Variants in NAT9 observed in about 807,000 individuals in gnomAD.
The protein encoded by NAT9 is N-acetyltransferase 9.
A neutral mutation model predicts 24.0 loss-of-function variants in NAT9; 18 were observed. That is an observed-to-expected ratio of 0.75 (90% CI 0.52 to 1.11). The LOEUF (loss-of-function observed/expected upper bound fraction) is 1.11, where lower values mean the gene tolerates loss of function less well. NAT9 is among the 50% of genes most tolerant of loss of function. The pLI, the probability that NAT9 is intolerant of heterozygous loss-of-function variation, is 0.00. For synonymous variants in NAT9, 104 were observed against 102.3 expected, an observed-to-expected ratio of 1.02 and a Z score of -0.10; for missense variants, 254 against 258.6, an observed-to-expected ratio of 0.98 and a Z score of 0.12.
chr17:74,773,086 GAA>G (rs1315012415), intron 3 of NAT9, 47 bp from the exon 4 acceptor site: 17 of 1,601,196 alleles, frequency 1.1e-5, no homozygotes, highest in Admixed American at 3.4e-5. Context: ...CCAGAGGAGA[GAA>G]GAGAGGATGG....
intron 2 of NAT9, among the ~76,000 whole-genome samples, chr17:74,774,551 C>CTTTTTT (rs34005401): frequency 7.7e-6 from 1 of 130,190 alleles, no homozygotes; most frequent in African/African-American, 2.9e-5. Flanking sequence ...AGGCTGGTCT[C>CTTTTTT]TTTTTTTTTT....
In NAT9 at chr17:74,773,438, T is replaced by C. The variant is rs1275726660; in HGVS notation, c.190+138A>G. 3 of 718,680 alleles carry C rather than the reference T, an allele frequency of 4.2e-6. No homozygotes were observed. The African/African-American group carries it at 5.3e-5, about 13-fold the overall frequency. 44.5% of individuals were successfully genotyped at this position (718,680 alleles called of 1,614,324 possible). On this transcript the variant is annotated intron_variant, in intron 3 of 6. Coordinates refer to ENST00000357814, the MANE Select transcript of NAT9 (RefSeq NM_015654.5). ...GGGACTGGCTTCAGGGCCATGAGAA[T>C]ACAGGAGTTCCAGCACCTTCCAGGC...
rs1181632902 is a variant in NAT9, at chr17:74,771,264, T to C, written c.*460A>G. 6 of 195,202 alleles carry C rather than the reference T, an allele frequency of 3.1e-5. No individual in the cohort carries two copies. The highest frequency in any genetic ancestry group is 6.5e-5 in the Non-Finnish European group (6 of 92,036). The allele number at this position is 195,202 out of a possible 1,614,324, so 12.1% of individuals were successfully genotyped here. A position where few individuals can be genotyped will look rare whatever the true frequency, so the allele number is the denominator to read the frequency against. ...GACCAAGCTGCCCTTGAGTGGACAC[T>C]GTGAGGCTGGGGCTCGTGGTAGCTC... On this transcript the variant is annotated 3_prime_UTR_variant, in exon 7 of 7. Transcript: ENST00000357814.
chr17:74,772,148 A>T, intron 5 of NAT9, 70 bp downstream of exon 5: 1 of 1,613,262 alleles, frequency 6.2e-7, no homozygotes, highest in Non-Finnish European at 8.5e-7. Flanking sequence ...CCTGCCCCCA[A>T]CCCTCACACC....
Position 74,773,015 on chromosome 17 carries a change from G to A in NAT9, c.215C>T (p.Ala72Val). ...GCCTGGCTGGGCCTGCCACTTCTCG[G>A]CATCCAGCACAATGAAGGTACACTC... ...ADKCTFIVLD[A>V]EKWQAQPGAT... The change falls in exon 4 of 7, where the codon GCC (alanine) becomes GTC (valine). Residue 72 changes from alanine (A) to valine (V), a missense_variant. Physicochemically the swap from Ala to Val is moderately conservative, Grantham distance 64 (BLOSUM62 0). Transcript: ENST00000357814. 2 of 1,613,996 alleles carry A rather than the reference G, an allele frequency of 1.2e-6. No individual in the cohort carries two copies. Among genetic ancestry groups the A allele is most frequent in the Non-Finnish European group, 1.7e-6 (2 of 1,179,992 alleles).
Position 74,771,724 on chromosome 17 carries a change from T to A in NAT9, c.624A>T (p.Ter208CysextTer11). ...AGTGGCTGCCCACAAGGCCCAGCCA[T>A]CAGCAGGGCTCTGCCGACCCATCTC... ...PYRDGSAEPC[*>C] The change falls in exon 7 of 7, where the codon TGA becomes TGT. Residue 208 changes from the stop codon to cysteine, a stop_lost. Transcript: ENST00000357814. The A allele has an allele frequency of 6.2e-7, 1 of 1,613,600 alleles. No homozygotes were observed. The highest frequency in any genetic ancestry group is 2.2e-5 in the East Asian group (1 of 44,882).
In NAT9 at chr17:74,771,521, G is replaced by A. The variant is rs2035201926; in HGVS notation, c.*203C>T. The A allele has an allele frequency of 2.6e-6, 2 of 783,836 alleles. No homozygotes were observed. The highest frequency in any genetic ancestry group is 1.9e-5 in the South Asian group (1 of 53,502). 48.6% of individuals were successfully genotyped at this position (783,836 alleles called of 1,614,324 possible). The stretch of plus-strand genomic sequence containing the variant: ...TGGGTTTGGCCGGGAGGGGAGAAGG[G>A]AACTGGCCCTGGCCCTGGAGTCTGC... On this transcript the variant is annotated 3_prime_UTR_variant, in exon 7 of 7. Coordinates refer to ENST00000357814, the MANE Select transcript of NAT9 (RefSeq NM_015654.5).
chr17:74,771,226 T>C lies in NAT9; in HGVS notation c.*498A>G, dbSNP rs757827276. On this transcript the variant is annotated 3_prime_UTR_variant, in exon 7 of 7. Transcript: ENST00000357814. ...TCCCAGGGTCACACCAGCCTGCCTC[T>C]GCAGGACAAGAGGACCAAGCTGCCC... The C allele has an allele frequency of 1.1e-5, 2 of 176,712 alleles. No individual in the cohort carries two copies. The highest frequency in any genetic ancestry group is 1.1e-4 in the Admixed American group (2 of 18,658). 10.9% of individuals were successfully genotyped at this position (176,712 alleles called of 1,614,324 possible). A position where few individuals can be genotyped will look rare whatever the true frequency, so the allele number is the denominator to read the frequency against.
intron 1 of NAT9, 153 bp downstream of exon 1, chr17:74,776,114 A>AC (rs1318345015): frequency 1.3e-5 from 2 of 157,716 alleles, no homozygotes; most frequent in Admixed American, 1.3e-4. Flanking sequence ...CCCGGCGACC[A>AC]CCCCACGGGG....
chr17:74,775,365 T>A lies in NAT9; in HGVS notation c.77+257A>T, dbSNP rs548842085. 1.7e-5 allele frequency: 6 copies of A among 349,352 alleles called. No homozygotes were observed. In the South Asian group the frequency reaches 3.0e-4, roughly 17 times the overall value. 21.6% of individuals were successfully genotyped at this position (349,352 alleles called of 1,614,324 possible). On this transcript the variant is annotated intron_variant, in intron 2 of 6. Coordinates refer to ENST00000357814, the MANE Select transcript of NAT9 (RefSeq NM_015654.5). Reference sequence around the variant, plus strand: ...ACCATGCCTGGCTAATTTTTGTATTTTTTTGTAGAGACAAGGTCTCGCTAC... The same window carrying A: ...ACCATGCCTGGCTAATTTTTGTATTATTTTGTAGAGACAAGGTCTCGCTAC...
At chr17:74,773,086 G>C (rs1401362310) in intron 3 of NAT9, 47 bp from the exon 4 acceptor site, 1 of 1,601,314 alleles carries the variant, frequency 6.2e-7, no homozygotes, top group Non-Finnish European at 8.5e-7. Context: ...CCAGAGGAGA[G>C]AAGAGAGGAT....
intron 2 of NAT9, 116 bp from the exon 3 acceptor site, chr17:74,773,804 G>GGTTAT: frequency 1.2e-6 from 1 of 815,790 alleles, no homozygotes. Context: ...AGACCCAAAG[G>GGTTAT]GTTATGATTG....
chr17:74,772,887 G>C lies in NAT9; in HGVS notation c.334+9C>G. Reference sequence around the variant, plus strand: ...GAGTCAGCGGAAGGCAGGGCTAGGTGAAACAAACCTGCAATCATGACCTCG... The same window carrying C: ...GAGTCAGCGGAAGGCAGGGCTAGGTCAAACAAACCTGCAATCATGACCTCG... On this transcript the variant is annotated intron_variant, in intron 4 of 6. Transcript: ENST00000357814. 4 of 1,614,124 alleles carry C rather than the reference G, an allele frequency of 2.5e-6. No individual in the cohort carries two copies. Among genetic ancestry groups the C allele is most frequent in the Non-Finnish European group, 3.4e-6 (4 of 1,180,006 alleles).
chr17:74,772,765 C>T, intron 4 of NAT9, 131 bp downstream of exon 4: 1 of 1,387,442 alleles, frequency 7.2e-7, no homozygotes, highest in Non-Finnish European at 9.8e-7. Context: ...GCTGCCCAGC[C>T]AGGCCCTGGA....
intron 4 of NAT9, 57 bp from the exon 5 acceptor site, chr17:74,772,334 C>T (rs2035337386): frequency 6.3e-7 from 1 of 1,598,428 alleles, no homozygotes; most frequent in South Asian, 1.1e-5. Flanking sequence ...AGTGCGGGCA[C>T]TTGGCAGACA....
rs770561649 is a variant in NAT9, at chr17:74,771,968, A to G, written c.481T>C (p.Phe161Leu). The change falls in exon 6 of 7, where the codon TTT becomes CTT. Residue 161 changes from phenylalanine to leucine, a missense_variant. Physicochemically the swap from Phe to Leu is conservative, Grantham distance 22 (BLOSUM62 0). Coordinates refer to ENST00000357814, the MANE Select transcript of NAT9 (RefSeq NM_015654.5). Reference protein sequence around the residue: ...PSIRMFQKLHFEQVATSSVFQ... With the variant: ...PSIRMFQKLHLEQVATSSVFQ... ...CCCCAGGACATCCTTACCTGCTCAA[A>G]GTGAAGTTTCTGGAACATCCGGATG... 1.9e-6 allele frequency: 3 copies of G among 1,614,104 alleles called. No homozygotes were observed. In the East Asian group the frequency reaches 6.7e-5, roughly 36 times the overall value.
rs1241136779 is a variant in NAT9 at position 74,772,911 on chromosome 17, C to T, written c.319G>A (p.Glu107Lys). The change falls in exon 4 of 7, where the codon GAG becomes AAG. Residue 107 changes from glutamate to lysine, a missense_variant. Transcript: ENST00000357814. ...DLEDLTLGEI[E>K]VMIAEPSCRG... ...TGAAACAAACCTGCAATCATGACCT[C>T]GATCTCCCCCAAGGTGAGGTCTTCT... The T allele has an allele frequency of 1.9e-6, 3 of 1,613,956 alleles. No individual in the cohort carries two copies. Among genetic ancestry groups the T allele is most frequent in the African/African-American group, 1.3e-5 (1 of 74,892 alleles).
At chr17:74,772,351 C>A in intron 4 of NAT9, 74 bp from the exon 5 acceptor site, 2 of 1,569,170 alleles carry the variant, frequency 1.3e-6, no homozygotes, top group South Asian at 1.1e-5. Context: ...GACACCATCT[C>A]ATTTAATTCT....
intron 2 of NAT9, chr17:74,775,380 G>C (rs1374802369): frequency 2.5e-6 from 1 of 400,402 alleles, no homozygotes; most frequent in Non-Finnish European, 4.5e-6. Context: ...GTAGAGACAA[G>C]GTCTCGCTAC....
Sources: gnomAD v4.1 joint callset for allele counts (sites outside exome capture counted in the v4.1 genomes callset) on GRCh38, gnomAD v4.1.1 for gene constraint, MANE v1.5 for transcripts, NCBI Gene and HGNC (gene_info 2026-07-23, HGNC 2026-07-21) for gene names.